Variants in NT5DC4 observed in about 807,000 individuals in gnomAD.
NT5DC4 encodes 5'-nucleotidase domain containing 4.
In NT5DC4, 44 loss-of-function variants were observed where a neutral mutation model predicts 26.6. That is an observed-to-expected ratio of 1.65 (90% confidence interval 1.30 to 2.13). NT5DC4 has a LOEUF of 2.13. Among genes scored for constraint, NT5DC4 ranks in the 30% most tolerant of loss-of-function variants. The pLI, the probability that NT5DC4 is intolerant of heterozygous loss-of-function variation, is 0.00. For missense variants in NT5DC4, 399 were observed against 228.1 expected (o/e 1.75, Z -4.83); for synonymous variants, 157 against 86.7 (o/e 1.81, Z -4.51).
chr2:112,731,740 C>G (rs1314722279), intron 16 of NT5DC4: 1 of 152,172 alleles, frequency 6.6e-6, no homozygotes, highest in Non-Finnish European at 1.5e-5. Context: ...GTGGTATCAT[C>G]TGGCATTCTG....
intron 15 of NT5DC4, among the ~76,000 whole-genome samples, chr2:112,729,151 C>T (rs1004737161): frequency 1.3e-5 from 2 of 152,092 alleles, no homozygotes; most frequent in Non-Finnish European, 2.9e-5. Context: ...TTGGCCAAGT[C>T]TAGCTCTGCT....
In NT5DC4 at chr2:112,722,478, C is replaced by T; in HGVS notation, c.363-5C>T. On this transcript the variant is annotated splice_polypyrimidine_tract_variant and splice_region_variant and intron_variant, in intron 4 of 16. Coordinates refer to ENST00000688554, the MANE Select transcript of NT5DC4 (RefSeq NM_001393655.1). The stretch of plus-strand genomic sequence containing the variant: ...CACTGGGGAGGGGTCATTGGCTGCA[C>T]CCAGCCTACCCCTCCTCAGGGCAGA... 1 of 717,178 alleles carries T rather than the reference C, an allele frequency of 1.4e-6. No homozygotes were observed. The highest frequency in any genetic ancestry group is 1.7e-5 in the African/African-American group (1 of 57,348). 44.4% of individuals were successfully genotyped at this position (717,178 alleles called of 1,614,324 possible). A position where few individuals can be genotyped will look rare whatever the true frequency, so the allele number is the denominator to read the frequency against.
downstream of NT5DC4, chr2:112,740,724 CAG>C (rs1441986721): frequency 1.0e-6 from 1 of 981,274 alleles, no homozygotes; most frequent in Non-Finnish European, 1.6e-6. Context: ...CACTGCAGGT[CAG>C]GTCTCAGTTA....
At chr2:112,724,480 C>T in intron 10 of NT5DC4, 1 of 570,408 alleles carries the variant, frequency 1.8e-6, no homozygotes, top group Non-Finnish European at 3.1e-6. Context: ...GCAGCAGGGC[C>T]CTAACTAGGT....
rs1295777227 is a variant in NT5DC4 at position 112,721,847 on chromosome 2, G to A, written c.104G>A (p.Gly35Glu). 1 of 717,222 alleles carries A rather than the reference G, an allele frequency of 1.4e-6. No homozygotes were observed. The highest frequency in any genetic ancestry group is 2.6e-6 in the Non-Finnish European group (1 of 385,110). The allele number at this position is 717,222 out of a possible 1,614,324, so 44.4% of individuals were successfully genotyped here. ...TTTGTCAACCGCAGCCTGGCGCTGGGGAAGATTCGTTGCTTTGGCTTCGAC... is the reference window on the plus strand; with the variant it reads ...TTTGTCAACCGCAGCCTGGCGCTGGAGAAGATTCGTTGCTTTGGCTTCGAC... ...RIFVNRSLALGKIRCFGFDMD... is the reference protein window; with the variant it reads ...RIFVNRSLALEKIRCFGFDMD... Residue 35 changes from glycine to glutamate, a missense_variant, in exon 2 of 17, where the codon GGG (glycine) becomes GAG (glutamate). By Grantham distance (98) the Gly-to-Glu change is moderately conservative (BLOSUM62 -2). Transcript: ENST00000688554.
chr2:112,736,164 G>C (rs916352674), intron 16 of NT5DC4, among the ~76,000 whole-genome samples: 1 of 151,996 alleles, frequency 6.6e-6, no homozygotes, highest in Non-Finnish European at 1.5e-5. Flanking sequence ...CTGGTCGACG[G>C]GCTTAGGACA....
At chr2:112,733,002 G>A (rs987581965) in intron 16 of NT5DC4, among the ~76,000 whole-genome samples, 1 of 152,064 alleles carries the variant, frequency 6.6e-6, no homozygotes, top group Non-Finnish European at 1.5e-5. Context: ...TGGCATCTAC[G>A]TACCTGTGTA....
intron 9 of NT5DC4, 88 bp from the exon 10 acceptor site, chr2:112,724,006 C>G (rs1043026790): frequency 1.1e-4 from 79 of 712,702 alleles, no homozygotes; most frequent in African/African-American, 1.0e-3. Flanking sequence ...GCTCCTGTGG[C>G]CACCAGTGTG....
intron 16 of NT5DC4, among the ~76,000 whole-genome samples, chr2:112,733,988 A>G (rs13019249): frequency 0.4 from 61,397 of 151,888 alleles, 14,807 homozygotes; most frequent in East Asian, 0.69. Context: ...TAGAGATAGG[A>G]GTTAAAAGTT....
At chr2:112,741,431 T>TAA (rs1319892225), downstream of NT5DC4, among the ~76,000 whole-genome samples, 4 of 152,192 alleles carry the variant, frequency 2.6e-5, no homozygotes, top group Non-Finnish European at 4.4e-5. Flanking sequence ...GATGACCACA[T>TAA]GGTTACTGCC....
chr2:112,732,344 G>C (rs1678592542), intron 16 of NT5DC4, among the ~76,000 whole-genome samples: 1 of 152,042 alleles, frequency 6.6e-6, no homozygotes, highest in African/African-American at 2.4e-5. Context: ...GTAAATCCCA[G>C]GTCTCACTGG....
chr2:112,730,591 A>G (rs1678371378), intron 16 of NT5DC4, among the ~76,000 whole-genome samples: 1 of 152,092 alleles, frequency 6.6e-6, no homozygotes, highest in South Asian at 2.1e-4. Flanking sequence ...ACAGGAGTGG[A>G]TGCCTGGATT....
At chr2:112,726,553 C>G in intron 14 of NT5DC4, 125 bp from the exon 15 acceptor site, 1 of 696,708 alleles carries the variant, frequency 1.4e-6, no homozygotes, top group East Asian at 2.7e-5. Context: ...CACACCCAGC[C>G]CGGCACCCCC....
At chr2:112,731,556 A>G (rs1678485162) in intron 16 of NT5DC4, 1 of 152,172 alleles carries the variant, frequency 6.6e-6, no homozygotes, top group Non-Finnish European at 1.5e-5. Context: ...AGATAGCCCA[A>G]ATGTCTTTGA....
downstream of NT5DC4, among the ~76,000 whole-genome samples, chr2:112,739,717 C>G (rs1014423696): frequency 1.3e-5 from 2 of 152,162 alleles, no homozygotes; most frequent in Non-Finnish European, 2.9e-5. Context: ...TCCAGTGGTG[C>G]AATCACAGCT....
chr2:112,724,737 A>G, intron 10 of NT5DC4, 44 bp from the exon 11 acceptor site: 1 of 713,474 alleles, frequency 1.4e-6, no homozygotes, highest in Non-Finnish European at 2.6e-6. Context: ...GCAAGGTCAG[A>G]TTTACCAGGC....
intron 16 of NT5DC4, among the ~76,000 whole-genome samples, chr2:112,735,365 A>G (rs1446304958): frequency 6.6e-6 from 1 of 152,152 alleles, no homozygotes; most frequent in African/African-American, 2.4e-5. Flanking sequence ...ATTTTATAGT[A>G]TGTAAAAGAC....
At chr2:112,739,422 A>C (rs1198873080), downstream of NT5DC4, among the ~76,000 whole-genome samples, 2 of 151,930 alleles carry the variant, frequency 1.3e-5, no homozygotes, top group East Asian at 3.9e-4. Flanking sequence ...CCCCAGTCTC[A>C]AAAAAAAGGC....
chr2:112,736,038 C>A (rs1212686485), intron 16 of NT5DC4, among the ~76,000 whole-genome samples: 1 of 152,072 alleles, frequency 6.6e-6, no homozygotes, highest in African/African-American at 2.4e-5. Flanking sequence ...AGACAACTGA[C>A]TCCTAGGCCT....
Sources: allele counts gnomAD v4.1 joint callset (sites outside exome capture counted in the v4.1 genomes callset), GRCh38; gene constraint gnomAD v4.1.1; transcripts MANE v1.5; gene names NCBI Gene and HGNC (gene_info 2026-07-23, HGNC 2026-07-21).